The following SRGAP3 variants were observed in gnomAD, a reference collection of about 807,000 sequenced individuals.
SRGAP3 encodes SLIT-ROBO Rho GTPase activating protein 3.
In SRGAP3, 39 loss-of-function variants were observed where a neutral mutation model predicts 121.1. The ratio of observed to expected loss-of-function variants is 0.32; its 90% CI spans 0.25 to 0.42. The LOEUF (loss-of-function observed/expected upper bound fraction) is 0.42, where lower values mean the gene tolerates loss of function less well. Among genes scored for constraint, SRGAP3 ranks in the 10% least tolerant of loss-of-function variants. The pLI is 1.00. For missense variants in SRGAP3, 1,213 were observed against 1,470.6 expected (o/e 0.82, Z 2.86); for synonymous variants, 601 against 570.0 (o/e 1.05, Z -0.77).
chr3:9,343,456 G>A (rs865926557), intron 1 of SRGAP3, among the ~76,000 whole-genome samples: 2 of 152,088 alleles, frequency 1.3e-5, no homozygotes, highest in South Asian at 4.2e-4. Flanking sequence ...TCTCATAAAT[G>A]CTGCCAAAGT....
At chr3:9,074,087 T>C (rs1395876062) in intron 4 of SRGAP3, among the ~76,000 whole-genome samples, 1 of 152,136 alleles carries the variant, frequency 6.6e-6, no homozygotes, top group African/African-American at 2.4e-5. Flanking sequence ...GTCATCCAGC[T>C]CAAGTATGGA....
At chr3:9,033,907 C>T (rs1944620540) in intron 11 of SRGAP3, 2 of 152,262 alleles carry the variant, frequency 1.3e-5, no homozygotes, top group African/African-American at 4.8e-5. Context: ...CCTACCAGGC[C>T]ACCATCATGG....
At chr3:9,132,733 A>T (rs1949501759) in intron 1 of SRGAP3, among the ~76,000 whole-genome samples, 1 of 152,182 alleles carries the variant, frequency 6.6e-6, no homozygotes, top group African/African-American at 2.4e-5. Flanking sequence ...TTTTGTGTGG[A>T]CATGTTTTCA....
rs529455919 is a variant in SRGAP3, at chr3:9,273,465, G to A, written n.442+52545C>T. Among the ~76,000 whole-genome samples the A allele has an allele frequency of 4.9e-4, 75 of 152,124 alleles. No individual in the cohort carries two copies. The South Asian group carries it at 0.015, about 30-fold the overall frequency. On this transcript the variant is annotated intron_variant and non_coding_transcript_variant, in intron 3 of 3. Coordinates refer to the SRGAP3 transcript ENST00000490889. ...AGTCGTTTGTTTTTGTCATTGCTGA[G>A]TTTTAGGAGTTCTTTATATAAGCCA... is the stretch of plus-strand genomic sequence containing the variant.
intron 12 of SRGAP3, among the ~76,000 whole-genome samples, chr3:9,027,446 G>T (rs556294718): frequency 1.3e-5 from 2 of 152,158 alleles, no homozygotes; most frequent in Non-Finnish European, 2.9e-5. Flanking sequence ...GGCACACCAG[G>T]GGGGAAGCAA....
intron 18 of SRGAP3, among the ~76,000 whole-genome samples, chr3:9,002,416 A>G (rs142090629): frequency 2.3e-3 from 345 of 152,316 alleles, no homozygotes; most frequent in African/African-American, 7.3e-3. Flanking sequence ...ACATATCAAA[A>G]CTTATGGGAT....
chr3:9,313,811 A>G (rs1054217272), intron 3 of SRGAP3, among the ~76,000 whole-genome samples: 1 of 152,204 alleles, frequency 6.6e-6, no homozygotes, highest in Admixed American at 6.5e-5. Context: ...CCTGGCCAAT[A>G]GGGCGAAACC....
At chr3:9,079,873 A>T in intron 4 of SRGAP3, 152 bp downstream of exon 4, 1 of 710,496 alleles carries the variant, frequency 1.4e-6, no homozygotes, top group Non-Finnish European at 2.4e-6. Flanking sequence ...GTGAGTCATT[A>T]CATCCTGACA....
intron 1 of SRGAP3, among the ~76,000 whole-genome samples, chr3:9,151,189 T>A (rs1440109174): frequency 6.6e-6 from 1 of 152,120 alleles, no homozygotes; most frequent in African/African-American, 2.4e-5. Context: ...AGATGGGCCA[T>A]ATCTGGCTGA....
rs532609054 is a variant in SRGAP3, at chr3:9,132,950, C to A, written c.68-8033G>T. On this transcript the variant is annotated intron_variant, in intron 1 of 21. Transcript: ENST00000383836. ...CCTAGTTCCCCTCTCGCAAAACAAC[C>A]AAACTACCATGATCGTGTGCATCAT... Among the ~76,000 whole-genome samples, 512 of 150,960 alleles carry A rather than the reference C, an allele frequency of 3.4e-3. 4 individuals are homozygous for A. Among genetic ancestry groups the A allele is most frequent in the African/African-American group, 0.012 (489 of 41,186 alleles).
chr3:9,116,935 T>C (rs1425416028), intron 2 of SRGAP3, among the ~76,000 whole-genome samples: 2 of 152,226 alleles, frequency 1.3e-5, no homozygotes. Flanking sequence ...ATGATGCCTA[T>C]CAGACATCCA....
At chr3:9,241,902 C>A (rs1256702949) in intron 1 of SRGAP3, among the ~76,000 whole-genome samples, 2 of 151,788 alleles carry the variant, frequency 1.3e-5, no homozygotes, top group East Asian at 1.9e-4. Flanking sequence ...CATGGTGAGA[C>A]CCCATCCCTA....
intron 1 of SRGAP3, among the ~76,000 whole-genome samples, chr3:9,175,218 A>G (rs994724139): frequency 5.9e-5 from 9 of 152,286 alleles, no homozygotes; most frequent in African/African-American, 2.2e-4. Flanking sequence ...GAACTCATCC[A>G]TATCTCAGAA....
intron 3 of SRGAP3, among the ~76,000 whole-genome samples, chr3:9,264,094 A>T (rs961815430): frequency 2.6e-5 from 4 of 152,246 alleles, no homozygotes; most frequent in African/African-American, 9.6e-5. Flanking sequence ...ATAATCCATC[A>T]CATAAACAGA....
Position 9,362,700 on chromosome 3 carries a change from A to G in SRGAP3, n.214+140T>C, listed in dbSNP as rs181746353. The G allele has an allele frequency of 2.0e-4, 30 of 152,298 alleles. No individual in the cohort carries two copies. In the East Asian group the frequency reaches 5.8e-3, roughly 29 times the overall value. 9.4% of individuals were successfully genotyped at this position (152,298 alleles called of 1,614,324 possible). The stretch of plus-strand genomic sequence containing the variant: ...ACAGAAATCAGGAACTAGTGGCATG[A>G]CATTTTGAGAAAGATATTTAAATAA... On this transcript the variant is annotated intron_variant and non_coding_transcript_variant, in intron 1 of 3. Transcript: ENST00000490889.
chr3:9,271,148 C>T (rs1954468950), intron 3 of SRGAP3, among the ~76,000 whole-genome samples: 1 of 152,134 alleles, frequency 6.6e-6, no homozygotes, highest in Non-Finnish European at 1.5e-5. Context: ...GCCTGGAAAA[C>T]ATGGCAAAAC....
At chr3:9,053,573 T>C (rs550655432) in intron 8 of SRGAP3, among the ~76,000 whole-genome samples, 4 of 152,358 alleles carry the variant, frequency 2.6e-5, no homozygotes, top group East Asian at 3.9e-4. Flanking sequence ...GTTCCTCCAA[T>C]GCAAGGTGGT....
intron 3 of SRGAP3, among the ~76,000 whole-genome samples, chr3:9,087,305 G>A (rs577648994): frequency 9.9e-5 from 15 of 151,768 alleles, no homozygotes; most frequent in Admixed American, 3.3e-4. Context: ...ATGAAGTCCC[G>A]GGGAAATAGC....
Position 9,173,500 on chromosome 3 carries a change from G to A in SRGAP3, c.68-48583C>T, listed in dbSNP as rs148324135. Reference sequence around the variant, plus strand: ...GTGGGAGAAATAGCTGAGCAAAGAGGCAGTTTGAATGAACTAGAATAAGAG... The same window carrying A: ...GTGGGAGAAATAGCTGAGCAAAGAGACAGTTTGAATGAACTAGAATAAGAG... On this transcript the variant is annotated intron_variant, in intron 1 of 21. Coordinates refer to ENST00000383836, the MANE Select transcript of SRGAP3 (RefSeq NM_014850.4). Among the ~76,000 whole-genome samples, 250 of 152,338 alleles carry A rather than the reference G, an allele frequency of 1.6e-3. 4 individuals are homozygous for A. In the East Asian group the frequency reaches 0.034, roughly 21 times the overall value.
Sources: gnomAD v4.1 joint callset for allele counts (sites outside exome capture counted in the v4.1 genomes callset) on GRCh38, gnomAD v4.1.1 for gene constraint, MANE v1.5 for transcripts, NCBI Gene and HGNC (gene_info 2026-07-23, HGNC 2026-07-21) for gene names.